Variants in MACF1 observed in about 807,000 individuals in gnomAD.
MACF1 encodes microtubule actin crosslinking factor 1.
Under a neutral mutation model 854.8 loss-of-function variants are expected in MACF1, and 193 were observed. That is an observed-to-expected ratio of 0.23 (90% confidence interval 0.20 to 0.25). MACF1 has a LOEUF of 0.25. Ranked by LOEUF, MACF1 falls within the 10% of genes least tolerant of loss-of-function variation. The pLI is 1.00. For synonymous variants in MACF1, 3,185 were observed against 3,226.7 expected (o/e 0.99, Z 0.44); for missense variants, 7,722 against 8,929.1 (o/e 0.86, Z 5.45).
At chr1:39,264,624 C>T (rs561113268) in intron 6 of MACF1, among the ~76,000 whole-genome samples, 4 of 151,082 alleles carry the variant, frequency 2.6e-5, no homozygotes, top group Non-Finnish European at 4.4e-5. Context: ...ACACAGAGAC[C>T]GACTGACTTT....
In MACF1 at chr1:39,208,233, T is replaced by C. The variant is rs552408825; in HGVS notation, c.109+3102T>C. On this transcript the variant is annotated intron_variant, in intron 1 of 100. Transcript: ENST00000564288. ...GGTTTTATTTCCTATCTTGGCCTTA[T>C]AAGCATCCAGGACTCCAGCATCTTT... Among the ~76,000 whole-genome samples, 5 of 151,874 alleles carry C rather than the reference T, an allele frequency of 3.3e-5. No homozygotes were observed. The South Asian group carries it at 6.2e-4, about 19-fold the overall frequency.
In MACF1 at chr1:39,268,693, A is replaced by G. The variant is rs902712562; in HGVS notation, c.528+10665A>G. On this transcript the variant is annotated intron_variant, in intron 6 of 100. Transcript: ENST00000564288. ...CGTTTTTGCTGAGATTAGGAGAGGA[A>G]GGAAATGGGAAATTCACTGGGCTGT... 11 of 1,270,604 alleles carry G rather than the reference A, an allele frequency of 8.7e-6. No individual in the cohort carries two copies. In the African/African-American group the frequency reaches 1.4e-4, roughly 16 times the overall value. The allele number at this position is 1,270,604 out of a possible 1,614,324, so 78.7% of individuals were successfully genotyped here.
rs35781962 is a variant in MACF1, at chr1:39,161,895, T to TAA, written c.221-69276_221-69275dup. Among the ~76,000 whole-genome samples the TAA allele has an allele frequency of 9.8e-3, 1,409 of 143,474 alleles. 10 individuals are homozygous for TAA. Among genetic ancestry groups the TAA allele is most frequent in the Non-Finnish European group, 0.013 (855 of 66,080 alleles). The allele number at this position is 143,474 out of a possible 152,430, so 94.1% of individuals were successfully genotyped here. On this transcript the variant is annotated intron_variant, in intron 2 of 93. Coordinates refer to the MACF1 transcript ENST00000361689. ...TTAATTAATTAATAATAAAATAAAT[T>TAA]AAAAAAAAAAAACTAGCCGGGCATG...
In MACF1 at chr1:39,283,383, G is replaced by A. The variant is rs753995876; in HGVS notation, c.809-26G>A. The A allele has an allele frequency of 1.6e-5, 25 of 1,591,476 alleles. No homozygotes were observed. Among genetic ancestry groups the A allele is most frequent in the Non-Finnish European group, 1.9e-5 (22 of 1,159,530 alleles). On this transcript the variant is annotated intron_variant, in intron 8 of 100. Transcript: ENST00000564288. The surrounding 1 kb of genome is among the most constrained non-coding windows in gnomAD (Gnocchi z 4.5). ...TGGCAAGTTCCTTTGTTCTGACTAA[G>A]AAATTTCTTGTCCATTCTCTCTCAG... is the stretch of plus-strand genomic sequence containing the variant.
intron 2 of MACF1, among the ~76,000 whole-genome samples, chr1:39,196,469 T>C (rs1191374759): frequency 6.6e-6 from 1 of 152,186 alleles, no homozygotes; most frequent in Admixed American, 6.5e-5. Context: ...ATGCCTAGTG[T>C]ACTCATGGGA....
chr1:39,118,866 G>T (rs2148153865), intron 2 of MACF1, among the ~76,000 whole-genome samples: 1 of 152,166 alleles, frequency 6.6e-6, no homozygotes, highest in Non-Finnish European at 1.5e-5. Flanking sequence ...CGAAACTCCA[G>T]CATCCTTTTG....
intron 6 of MACF1, among the ~76,000 whole-genome samples, chr1:39,272,810 A>G (rs1219501252): frequency 1.3e-5 from 2 of 152,234 alleles, no homozygotes; most frequent in Non-Finnish European, 2.9e-5. Context: ...AGAAATAGTT[A>G]ACACAGAAGC....
intron 20 of MACF1, among the ~76,000 whole-genome samples, chr1:39,297,402 T>C (rs1645946968): frequency 6.6e-6 from 1 of 152,004 alleles, no homozygotes; most frequent in Admixed American, 6.6e-5. Flanking sequence ...AACTTTTCGG[T>C]AGGGTAGGGT....
intron 2 of MACF1, among the ~76,000 whole-genome samples, chr1:39,147,307 CCT>C (rs1376713462): frequency 6.8e-6 from 1 of 147,660 alleles, no homozygotes; most frequent in East Asian, 2.0e-4. Flanking sequence ...TCCTTTTCTT[CCT>C]CTTTTTTCCT....
In MACF1 at chr1:39,430,855, A is replaced by G. The variant is rs1193142265; in HGVS notation, c.17284A>G (p.Thr5762Ala). ...CGAGCAGTACAAACTAGTCAGTGACACTATTGGACAAAGGGTGGATGAAAT... is the reference window on the plus strand; with the variant it reads ...CGAGCAGTACAAACTAGTCAGTGACGCTATTGGACAAAGGGTGGATGAAAT... ...ANEQYKLVSD[T>A]IGQRVDEIDA... The change falls in exon 66 of 101, where the codon ACT becomes GCT. Residue 5762 changes from threonine (T) to alanine (A), a missense_variant. Thr to Ala is a moderately conservative substitution (Grantham distance 58). Transcript: ENST00000564288. 13 of 1,612,756 alleles carry G rather than the reference A, an allele frequency of 8.1e-6. No individual in the cohort carries two copies. The highest frequency in any genetic ancestry group is 1.1e-5 in the Non-Finnish European group (13 of 1,180,018).
chr1:39,195,748 T>G (rs1644311129), intron 2 of MACF1, among the ~76,000 whole-genome samples: 1 of 152,190 alleles, frequency 6.6e-6, no homozygotes, highest in African/African-American at 2.4e-5. Context: ...TTTAATTTGC[T>G]GATAGGGAGA....
intron 56 of MACF1, 61 bp downstream of exon 56, chr1:39,382,213 C>T: frequency 6.8e-7 from 1 of 1,470,644 alleles, no homozygotes; most frequent in South Asian, 1.2e-5. Flanking sequence ...ATGTTTCTCC[C>T]AGTAAGTAGA....
chr1:39,170,874 C>T (rs1208196019), intron 2 of MACF1, among the ~76,000 whole-genome samples: 1 of 152,164 alleles, frequency 6.6e-6, no homozygotes, highest in African/African-American at 2.4e-5. Flanking sequence ...CAGATGGTTT[C>T]TTTGCACTAG....
At chr1:39,140,731 A>G (rs1474851571) in intron 2 of MACF1, among the ~76,000 whole-genome samples, 1 of 152,004 alleles carries the variant, frequency 6.6e-6, no homozygotes, top group Non-Finnish European at 1.5e-5. Flanking sequence ...CCTGGCCAAC[A>G]TGGTGAAACC....
At chr1:39,414,147 C>T (rs1315424704) in intron 58 of MACF1, 2 of 1,611,064 alleles carry the variant, frequency 1.2e-6, no homozygotes, top group Admixed American at 3.4e-5. Flanking sequence ...AGGAGCCCGC[C>T]TCCCCAGCAG....
chr1:39,382,859 A>G (rs1464330487), intron 56 of MACF1, among the ~76,000 whole-genome samples: 1 of 152,074 alleles, frequency 6.6e-6, no homozygotes, highest in Non-Finnish European at 1.5e-5. Flanking sequence ...AGTGGCTCAC[A>G]CCTATAATCC....
At chr1:39,422,276 C>A in intron 58 of MACF1, 98 bp from the exon 59 acceptor site, 1 of 902,584 alleles carries the variant, frequency 1.1e-6, no homozygotes, top group Non-Finnish European at 1.7e-6. Context: ...GGTCGTCTTT[C>A]ATTAAGTCAT....
chr1:39,171,880 C>T (rs1419621361), intron 2 of MACF1, among the ~76,000 whole-genome samples: 7 of 152,230 alleles, frequency 4.6e-5, no homozygotes, highest in African/African-American at 1.7e-4. Flanking sequence ...CCCGCCTCAG[C>T]CTCTCAAAGT....
At position 39,308,863 on chromosome 1, in the gene MACF1, T is replaced by G. The variant is rs571250564; in HGVS notation, c.2790-707T>G. 3.9e-5 allele frequency among the ~76,000 whole-genome samples: 6 copies of G among 152,016 alleles called. No homozygotes were observed. In the East Asian group the frequency reaches 1.2e-3, roughly 29 times the overall value. On this transcript the variant is annotated intron_variant, in intron 23 of 100. Transcript: ENST00000564288. The stretch of plus-strand genomic sequence containing the variant: ...TAGAGATGGGGTTTCTCCTTGTTGG[T>G]CAGGCTGGTCTTGAACTCCCGACCT...
Sources: allele counts gnomAD v4.1 joint callset (sites outside exome capture counted in the v4.1 genomes callset), GRCh38; gene constraint gnomAD v4.1.1; non-coding constraint Gnocchi (gnomAD v3.1); transcripts MANE v1.5; gene names NCBI Gene and HGNC (gene_info 2026-07-23, HGNC 2026-07-21).